The following FAM47E variants were observed in gnomAD, a reference collection of about 807,000 sequenced individuals.
FAM47E encodes protein FAM47E.
Under a neutral mutation model 41.6 loss-of-function variants are expected in FAM47E, and 32 were observed. The observed-to-expected ratio is 0.77, with a 90% confidence interval of 0.58 to 1.03. The LOEUF (loss-of-function observed/expected upper bound fraction) is 1.03, where lower values mean the gene tolerates loss of function less well. FAM47E is among the 50% of genes least tolerant of loss of function. FAM47E has a pLI of 0.00. For missense variants in FAM47E, 424 were observed against 485.4 expected (o/e 0.87, Z 1.19); for synonymous variants, 184 against 188.7 (o/e 0.98, Z 0.20).
At chr4:76,267,271 G>A (rs751819849) in intron 3 of FAM47E, among the ~76,000 whole-genome samples, 3 of 152,184 alleles carry the variant, frequency 2.0e-5, no homozygotes, top group Non-Finnish European at 4.4e-5. Flanking sequence ...GTAGCTTCAG[G>A]GGACAGCTTG....
intron 2 of FAM47E, among the ~76,000 whole-genome samples, chr4:76,227,802 C>A (rs1227458338): frequency 6.6e-6 from 1 of 152,164 alleles, no homozygotes; most frequent in Non-Finnish European, 1.5e-5. Flanking sequence ...TCTTTTCTAA[C>A]TGTTGTTGCT....
chr4:76,237,258 G>T (rs570329914), intron 2 of FAM47E, among the ~76,000 whole-genome samples: 1 of 151,824 alleles, frequency 6.6e-6, no homozygotes, highest in East Asian at 1.9e-4. Context: ...GTATAATGAG[G>T]TATGCCCAAC....
At chr4:76,243,338 A>G (rs1733750406) in intron 2 of FAM47E, among the ~76,000 whole-genome samples, 1 of 152,180 alleles carries the variant, frequency 6.6e-6, no homozygotes, top group Admixed American at 6.5e-5. Flanking sequence ...AGATTCACAT[A>G]AAATTGCCAT....
At chr4:76,273,280 G>A (rs1734966164) in intron 5 of FAM47E, among the ~76,000 whole-genome samples, 1 of 152,172 alleles carries the variant, frequency 6.6e-6, no homozygotes, top group African/African-American at 2.4e-5. Context: ...ATACTTATGA[G>A]TTGTTTATTT....
intron 2 of FAM47E, among the ~76,000 whole-genome samples, chr4:76,262,028 G>A (rs1035169368): frequency 1.3e-5 from 2 of 152,072 alleles, no homozygotes; most frequent in African/African-American, 4.8e-5. Context: ...TAAGAAGATG[G>A]TGTTGCTACT....
intron 4 of FAM47E, 105 bp downstream of exon 4, chr4:76,268,873 T>TA: frequency 7.2e-7 from 1 of 1,397,500 alleles, no homozygotes; most frequent in Non-Finnish European, 9.7e-7. Flanking sequence ...TTGCTTTTAT[T>TA]AAAAAACAGT....
At chr4:76,234,076 C>A (rs2109987435) in intron 2 of FAM47E, among the ~76,000 whole-genome samples, 1 of 152,334 alleles carries the variant, frequency 6.6e-6, no homozygotes, top group South Asian at 2.1e-4. Context: ...GCAGAAAACA[C>A]CAGCCAGCTG....
At chr4:76,276,872 A>G (rs551356186) in intron 5 of FAM47E, among the ~76,000 whole-genome samples, 2 of 152,308 alleles carry the variant, frequency 1.3e-5, no homozygotes, top group South Asian at 2.1e-4. Flanking sequence ...GCTCTGGAAG[A>G]GATTTCCCTC....
intron 2 of FAM47E, among the ~76,000 whole-genome samples, chr4:76,235,969 G>A (rs779036739): frequency 6.6e-6 from 1 of 152,212 alleles, no homozygotes; most frequent in Non-Finnish European, 1.5e-5. Context: ...CTAGTAAACA[G>A]TAGAGCCAGG....
At chr4:76,276,770 A>G (rs1354142792) in intron 5 of FAM47E, among the ~76,000 whole-genome samples, 5 of 152,220 alleles carry the variant, frequency 3.3e-5, no homozygotes, top group African/African-American at 1.2e-4. Context: ...CAGTGTGTGT[A>G]GAGGCACTGA....
intron 2 of FAM47E, among the ~76,000 whole-genome samples, chr4:76,229,241 G>A (rs2109984689): frequency 6.6e-6 from 1 of 152,186 alleles, no homozygotes; most frequent in African/African-American, 2.4e-5. Context: ...GTTCATCCAT[G>A]TCTTGTATTG....
chr4:76,275,658 C>T (rs1735066009), intron 5 of FAM47E, among the ~76,000 whole-genome samples: 1 of 152,108 alleles, frequency 6.6e-6, no homozygotes, highest in Admixed American at 6.6e-5. Flanking sequence ...TCAATTCCAT[C>T]AAGCACGGGG....
intron 2 of FAM47E, among the ~76,000 whole-genome samples, chr4:76,259,606 G>C (rs949269480): frequency 6.6e-6 from 1 of 152,112 alleles, no homozygotes; most frequent in Admixed American, 6.5e-5. Flanking sequence ...GGATTTCTTG[G>C]AACTCCCAAA....
intron 2 of FAM47E, among the ~76,000 whole-genome samples, chr4:76,260,324 C>T (rs1362529882): frequency 6.6e-6 from 1 of 152,142 alleles, no homozygotes; most frequent in African/African-American, 2.4e-5. Context: ...TACTGCAAGG[C>T]TACAGTAACC....
rs150896329 is a variant in FAM47E at position 76,225,606 on chromosome 4, G to A, written c.81+7918G>A. Among the ~76,000 whole-genome samples, 878 of 152,266 alleles carry A rather than the reference G, an allele frequency of 5.8e-3. 11 individuals are homozygous for A. The highest frequency in any genetic ancestry group is 0.02 in the African/African-American group (830 of 41,552). ...GGGTTTTAATCATAAAGCGATGCTG[G>A]ATTTTCTCAAATGCTTTTTCTGCAT... is the stretch of plus-strand genomic sequence containing the variant. On this transcript the variant is annotated intron_variant, in intron 2 of 7. Coordinates refer to the FAM47E transcript ENST00000510197.
intron 2 of FAM47E, among the ~76,000 whole-genome samples, chr4:76,217,882 A>G (rs772621602): frequency 1.3e-5 from 2 of 152,234 alleles, no homozygotes; most frequent in Non-Finnish European, 2.9e-5. Flanking sequence ...AGCTTTCTTC[A>G]CAGACTCTAA....
intron 2 of FAM47E, among the ~76,000 whole-genome samples, chr4:76,231,458 G>C (rs1262166537): frequency 6.6e-6 from 1 of 152,172 alleles, no homozygotes; most frequent in Non-Finnish European, 1.5e-5. Flanking sequence ...AGTGAGTTTA[G>C]AATTTAATGA....
In FAM47E at chr4:76,266,143, G is replaced by A. The variant is rs114796040; in HGVS notation, c.560+2300G>A. On this transcript the variant is annotated intron_variant, in intron 3 of 7. Coordinates refer to ENST00000424749, the MANE Select transcript of FAM47E (RefSeq NM_001136570.3). The stretch of plus-strand genomic sequence containing the variant: ...ATAACACTTTCTTTACTTGGCTTCT[G>A]GAACATCCCTCTTTCATGGACCTCT... Among the ~76,000 whole-genome samples, 811 of 152,226 alleles carry A rather than the reference G, an allele frequency of 5.3e-3. 3 individuals carry two copies. Among genetic ancestry groups the A allele is most frequent in the African/African-American group, 0.018 (729 of 41,536 alleles).
chr4:76,268,672 G>A lies in FAM47E; in HGVS notation c.573G>A (p.Thr191=), dbSNP rs768810489. ...ATCTTATCTTTAGTTCCAAGAAGACGTCTGTGTCAAACGCAGGCCAATGGC... is the reference window on the plus strand; with the variant it reads ...ATCTTATCTTTAGTTCCAAGAAGACATCTGTGTCAAACGCAGGCCAATGGC... ...TQVYLGPSKK[T]SVSNAGQWLY... is the part of the protein sequence containing the mutation. Residue 191 remains threonine (T), a synonymous_variant, in exon 4 of 8, where the codon ACG becomes ACA. Coordinates refer to ENST00000424749, the MANE Select transcript of FAM47E (RefSeq NM_001136570.3). 7.7e-5 allele frequency: 120 copies of A among 1,550,630 alleles called. No homozygotes were observed. The highest frequency in any genetic ancestry group is 3.2e-4 in the Admixed American group (16 of 50,774).
Sources: gnomAD v4.1 joint callset for allele counts (sites outside exome capture counted in the v4.1 genomes callset) on GRCh38, gnomAD v4.1.1 for gene constraint, MANE v1.5 for transcripts, NCBI Gene and HGNC (gene_info 2026-07-23, HGNC 2026-07-21) for gene names.